SYTL4: variants seen among roughly 807,000 people sequenced by gnomAD.
SYTL4 encodes synaptotagmin-like protein 4.
A neutral mutation model predicts 52.7 loss-of-function variants in SYTL4; 16 were observed. That is an observed-to-expected ratio of 0.30 (90% CI 0.21 to 0.46). The LOEUF (loss-of-function observed/expected upper bound fraction) is 0.46. SYTL4 is among the 20% of genes least tolerant of loss of function. The pLI is 1.00. For synonymous variants in SYTL4, 160 were observed against 186.6 expected (o/e 0.86, Z 1.16); for missense variants, 423 against 519.9 (o/e 0.81, Z 1.81).
At position 100,703,492 on chromosome X, in the gene SYTL4, C is replaced by T. The variant is rs2083897326; in HGVS notation, c.-163-307G>A. Among the ~76,000 whole-genome samples, 3 of 112,119 alleles carry T rather than the reference C, an allele frequency of 2.7e-5. No individual in the cohort carries two copies. The Admixed American group carries it at 2.8e-4, about 11-fold the overall frequency. ...TTCACTTTACAAAGACATATTATAG[C>T]TATATCGCTCTAGTTATAATATGAA... On this transcript the variant is annotated intron_variant, in intron 3 of 19. Transcript: ENST00000372989.
At chrX:100,707,881 G>T (rs758092730) in intron 2 of SYTL4, among the ~76,000 whole-genome samples, 2 of 111,695 alleles carry the variant, frequency 1.8e-5, no homozygotes, top group African/African-American at 3.3e-5. Flanking sequence ...AGACTCAGAT[G>T]AAGTATCTTA....
Position 100,676,092 on chromosome X carries a change from C to A in SYTL4, c.1952G>T (p.Gly651Val). 1 of 1,211,074 alleles carries A rather than the reference C, an allele frequency of 8.3e-7. No homozygotes were observed. The highest frequency in any genetic ancestry group is 1.8e-5 in the South Asian group (1 of 56,880). ...SLWQKMRQYPGSWAEGTLQLR... is the reference protein window; with the variant it reads ...SLWQKMRQYPVSWAEGTLQLR... ...CTGCAGAGTCCCTTCTGCCCAAGAC[C>A]CTGGGTACTGTCGCATCTTCTGCCA... The change falls in exon 20 of 20, where the codon GGG becomes GTG. Residue 651 changes from glycine (G) to valine (V), a missense_variant. Gly to Val is a moderately radical substitution (Grantham distance 109). Transcript: ENST00000372989.
At chrX:100,715,285 A>G (rs2084178963) in intron 2 of SYTL4, among the ~76,000 whole-genome samples, 1 of 111,989 alleles carries the variant, frequency 8.9e-6, no homozygotes, top group Non-Finnish European at 1.9e-5. Context: ...GGCCTCCCAA[A>G]GGGCTGGGAT....
At chrX:100,683,133 ATTTTTTTT>A (rs559628938) in intron 16 of SYTL4, among the ~76,000 whole-genome samples, 5 of 53,968 alleles carry the variant, frequency 9.3e-5, no homozygotes, top group African/African-American at 8.8e-5. Context: ...ACCTGCCTGT[ATTTTTTTT>A]TTTTTTTTTT....
intron 2 of SYTL4, among the ~76,000 whole-genome samples, chrX:100,712,494 G>A (rs1373554271): frequency 8.9e-6 from 1 of 111,838 alleles, no homozygotes; most frequent in Non-Finnish European, 1.9e-5. Context: ...TTAAATAAAG[G>A]TTAAGGGAAG....
At chrX:100,706,718 A>G (rs1197986934) in intron 2 of SYTL4, among the ~76,000 whole-genome samples, 1 of 112,223 alleles carries the variant, frequency 8.9e-6, no homozygotes, top group African/African-American at 3.2e-5. Flanking sequence ...AGACTGGATA[A>G]AAGGAAAAAA....
chrX:100,691,544 C>CT (rs1250757810), intron 8 of SYTL4, among the ~76,000 whole-genome samples: 258 of 104,958 alleles, frequency 2.5e-3, no homozygotes, highest in African/African-American at 7.9e-3. Context: ...GCTGAGTATA[C>CT]TTTTTTTTTT....
chrX:100,689,026 T>C (rs781282004), intron 12 of SYTL4, among the ~76,000 whole-genome samples: 12 of 110,747 alleles, frequency 1.1e-4, no homozygotes, highest in Non-Finnish European at 1.9e-4. Context: ...TACATTTTAA[T>C]CAAAAGAAGT....
intron 12 of SYTL4, among the ~76,000 whole-genome samples, chrX:100,689,376 TAAA>T (rs762461988): frequency 2.2e-5 from 2 of 89,252 alleles, no homozygotes; most frequent in Admixed American, 1.2e-4. Context: ...TGCTGTCTCT[TAAA>T]AAAAAAAAAA....
In SYTL4 at chrX:100,702,104, T is replaced by C. The variant is rs1331119808; in HGVS notation, c.-67A>G. On this transcript the variant is annotated 5_prime_UTR_variant, in exon 5 of 20. Coordinates refer to ENST00000372989, the MANE Select transcript of SYTL4 (RefSeq NM_001370165.1). ...AACCAGACAAGGAGAGCTACCAGAG[T>C]TGCCTGAAATGACAAAAGAACTAAT... 1 of 798,952 alleles carries C rather than the reference T, an allele frequency of 1.3e-6. No individual in the cohort carries two copies. Among genetic ancestry groups the C allele is most frequent in the African/African-American group, 2.1e-5 (1 of 47,750 alleles). The allele number at this position is 798,952 out of a possible 1,213,427, so 65.8% of individuals were successfully genotyped here.
intron 8 of SYTL4, among the ~76,000 whole-genome samples, chrX:100,695,735 T>A (rs747404228): frequency 7.1e-5 from 8 of 112,277 alleles, no homozygotes; most frequent in African/African-American, 1.6e-4. Context: ...AAGCTGCACA[T>A]GTTCAAGTGT....
chrX:100,686,578 C>A, intron 15 of SYTL4, 101 bp downstream of exon 15: 1 of 556,334 alleles, frequency 1.8e-6, no homozygotes. Context: ...CAGACATGGC[C>A]CACTGAAGCC....
rs2083563540 is a variant in SYTL4 at position 100,690,065 on chromosome X, A to G, written c.808+10T>C. 4 of 1,203,673 alleles carry G rather than the reference A, an allele frequency of 3.3e-6. No individual in the cohort carries two copies. The highest frequency in any genetic ancestry group is 4.5e-6 in the Non-Finnish European group (4 of 888,361). On this transcript the variant is annotated intron_variant, in intron 11 of 19. Coordinates refer to ENST00000372989, the MANE Select transcript of SYTL4 (RefSeq NM_001370165.1). ...TCAGTCCTGAAAGACCAGTAAGGGA[A>G]ACCAGTTACCTGAAGGCCTGAGGAT...
At chrX:100,729,305 G>A (rs760632220) in intron 2 of SYTL4, among the ~76,000 whole-genome samples, 2 of 111,406 alleles carry the variant, frequency 1.8e-5, no homozygotes, top group Non-Finnish European at 3.8e-5. Context: ...ACTGTTCTGG[G>A]TCCAAGAGTC....
chrX:100,698,649 A>G (rs2083768024), intron 8 of SYTL4, among the ~76,000 whole-genome samples: 1 of 112,034 alleles, frequency 8.9e-6, no homozygotes, highest in Admixed American at 9.5e-5. Context: ...ATTCAAGTAT[A>G]AAGGCAGCTG....
chrX:100,690,128 T>C lies in SYTL4; in HGVS notation c.755A>G (p.Asp252Gly), dbSNP rs150825185. The C allele has an allele frequency of 1.2e-4, 151 of 1,208,762 alleles. No homozygotes were observed. The African/African-American group carries it at 2.2e-3, about 18-fold the overall frequency. Residue 252 changes from aspartate (D) to glycine (G), a missense_variant, in exon 11 of 20, where the codon GAT becomes GGT. Asp to Gly is a moderately conservative substitution (Grantham distance 94). Transcript: ENST00000372989. ...QPGGQNVVFV[D>G]EGEMIFKKNT... ...CTTCTTAAATATCATCTCACCCTCA[T>C]CCACAAATACCACATTTTGACCTCC...
Position 100,698,369 on chromosome X carries a change from C to T in SYTL4, c.539+2528G>A, listed in dbSNP as rs769004443. On this transcript the variant is annotated intron_variant, in intron 8 of 19. Transcript: ENST00000372989. ...CCGCCCGCCTCGGCCTCCCAAAGTGCTGGGATTACAGGAGTGAGCCACTGT... is the reference window on the plus strand; with the variant it reads ...CCGCCCGCCTCGGCCTCCCAAAGTGTTGGGATTACAGGAGTGAGCCACTGT... Among the ~76,000 whole-genome samples, 169 of 112,037 alleles carry T rather than the reference C, an allele frequency of 1.5e-3. 1 individual carries two copies. Among genetic ancestry groups the T allele is most frequent in the African/African-American group, 4.5e-3 (139 of 30,855 alleles).
At chrX:100,691,855 A>T (rs1443289145) in intron 8 of SYTL4, among the ~76,000 whole-genome samples, 1 of 109,211 alleles carries the variant, frequency 9.2e-6, no homozygotes, top group Non-Finnish European at 1.9e-5. Context: ...TACTTTTAAA[A>T]CTCTTCAGTG....
At chrX:100,685,683 A>G in intron 16 of SYTL4, 1 of 200,891 alleles carries the variant, frequency 5.0e-6, no homozygotes, top group Non-Finnish European at 9.2e-6. Context: ...GTTAGCTCGG[A>G]GAAGAGGTGC....
Sources: allele counts gnomAD v4.1 joint callset (sites outside exome capture counted in the v4.1 genomes callset), GRCh38; gene constraint gnomAD v4.1.1; transcripts MANE v1.5; gene names NCBI Gene and HGNC (gene_info 2026-07-23, HGNC 2026-07-21).